Variants in NKIRAS1 observed in about 807,000 individuals in gnomAD.
NKIRAS1 encodes the protein NFKB inhibitor interacting Ras like 1, also known as NF-kappa-B inhibitor-interacting Ras-like protein 1.
NKIRAS1 carries 16 observed loss-of-function variants against 19.8 expected under a neutral mutation model. The ratio of observed to expected loss-of-function variants is 0.81; its 90% CI spans 0.55 to 1.23. The LOEUF is 1.23. NKIRAS1 is among the 50% of genes most tolerant of loss of function. The probability of loss-of-function intolerance (pLI) is 0.00; values close to 1 mark genes in which losing one functional copy is unlikely to be tolerated. For synonymous variants in NKIRAS1, 88 were observed against 79.0 expected (o/e 1.11, Z -0.61); for missense variants, 184 against 220.0 (o/e 0.84, Z 1.04).
chr3:23,930,868 G>A (rs371671580), intron 1 of NKIRAS1, among the ~76,000 whole-genome samples: 1 of 123,896 alleles, frequency 8.1e-6, no homozygotes, highest in Non-Finnish European at 1.7e-5. Context: ...ATGTCCGGCT[G>A]TTTTTTTTTT....
At chr3:23,915,289 G>C (rs1704227823) in intron 1 of NKIRAS1, among the ~76,000 whole-genome samples, 1 of 152,106 alleles carries the variant, frequency 6.6e-6, no homozygotes, top group African/African-American at 2.4e-5. Flanking sequence ...AATTCAGGCA[G>C]GCTTCATAAG....
At chr3:23,929,171 G>A (rs954780222) in intron 1 of NKIRAS1, among the ~76,000 whole-genome samples, 6 of 151,908 alleles carry the variant, frequency 3.9e-5, no homozygotes, top group African/African-American at 9.7e-5. Context: ...AGACCAGCCC[G>A]GTCAACGTGG....
intron 3 of NKIRAS1, among the ~76,000 whole-genome samples, chr3:23,902,108 T>A (rs34476593): frequency 0.2 from 30,562 of 151,936 alleles, 3,053 homozygotes; most frequent in Non-Finnish European, 0.21. Flanking sequence ...AATAAATGAA[T>A]GTGAGATACA....
At chr3:23,910,988 G>A in intron 2 of NKIRAS1, 67 bp from the exon 3 acceptor site, 3 of 1,230,240 alleles carry the variant, frequency 2.4e-6, no homozygotes, top group Non-Finnish European at 3.5e-6. Context: ...TTTTCTTTCA[G>A]TATTTCAATT....
intron 3 of NKIRAS1, among the ~76,000 whole-genome samples, chr3:23,908,505 TATG>T (rs777078155): frequency 4.7e-4 from 72 of 152,330 alleles, no homozygotes; most frequent in Non-Finnish European, 7.9e-4. Flanking sequence ...TGTTAATAGA[TATG>T]ATAATTGCCT....
intron 1 of NKIRAS1, among the ~76,000 whole-genome samples, chr3:23,930,302 G>A (rs146778529): frequency 6.6e-6 from 1 of 152,288 alleles, no homozygotes; most frequent in Non-Finnish European, 1.5e-5. Context: ...AAGCAGTGCA[G>A]GGGGAGGGTC....
upstream of NKIRAS1, chr3:23,917,672 G>C: frequency 1.6e-6 from 1 of 607,562 alleles, no homozygotes; most frequent in Non-Finnish European, 2.9e-6. Flanking sequence ...GGAAGTGACT[G>C]AACGCGGCTC....
Position 23,891,129 on chromosome 3 carries a change from A to AATC in NKIRAS1, c.*1963_*1965dup, listed in dbSNP as rs1319473964. The AATC allele has an allele frequency of 6.6e-6, 1 of 152,642 alleles. No individual in the cohort carries two copies. The highest frequency in any genetic ancestry group is 2.4e-5 in the African/African-American group (1 of 41,444). 9.5% of individuals were successfully genotyped at this position (152,642 alleles called of 1,614,324 possible). On this transcript the variant is annotated 3_prime_UTR_variant, in exon 5 of 5. Coordinates refer to ENST00000425478, the MANE Select transcript of NKIRAS1 (RefSeq NM_020345.4). ...AGTAGTGCGTTTTATTTTATATGCC[A>AATC]ATCTACTTTGTTTAAAAAAGGTCTG... is the stretch of plus-strand genomic sequence containing the variant.
At chr3:23,928,689 TA>T (rs10715656) in intron 1 of NKIRAS1, among the ~76,000 whole-genome samples, 80,828 of 116,736 alleles carry the variant, frequency 0.69, 27,340 homozygotes, top group Admixed American at 0.74. Flanking sequence ...GATTTAGGCT[TA>T]AAAAAAAAAA....
chr3:23,940,900 C>T (rs769741652), intron 1 of NKIRAS1, among the ~76,000 whole-genome samples: 1 of 152,166 alleles, frequency 6.6e-6, no homozygotes, highest in Non-Finnish European at 1.5e-5. Flanking sequence ...ACTGCCAGAG[C>T]TATTTGTTGC....
intron 4 of NKIRAS1, among the ~76,000 whole-genome samples, chr3:23,900,508 T>C (rs1366237691): frequency 6.6e-6 from 1 of 150,796 alleles, no homozygotes; most frequent in African/African-American, 2.4e-5. Flanking sequence ...AGTGGCACAC[T>C]CCTGTATTCC....
intron 1 of NKIRAS1, among the ~76,000 whole-genome samples, chr3:23,935,396 T>G: frequency 6.7e-6 from 1 of 149,548 alleles, no homozygotes. Context: ...AAAAAATTGA[T>G]CAACGAATCA....
intron 3 of NKIRAS1, among the ~76,000 whole-genome samples, chr3:23,904,211 G>C (rs1220388611): frequency 2.0e-5 from 3 of 152,176 alleles, no homozygotes; most frequent in Admixed American, 1.3e-4. Context: ...CAGAACACTG[G>C]TGTCTTAGTC....
chr3:23,907,172 G>A (rs1703150581), intron 3 of NKIRAS1, among the ~76,000 whole-genome samples: 2 of 152,190 alleles, frequency 1.3e-5, no homozygotes, highest in African/African-American at 4.8e-5. Context: ...GGGATTACAG[G>A]CGTGAGCCAC....
chr3:23,937,717 TTAGTA>T (rs1705421086), intron 1 of NKIRAS1, among the ~76,000 whole-genome samples: 1 of 152,324 alleles, frequency 6.6e-6, no homozygotes, highest in East Asian at 1.9e-4. Context: ...AAATATCTGT[TTAGTA>T]TGTTATTAAA....
chr3:23,907,556 T>C (rs1299036188), intron 3 of NKIRAS1, among the ~76,000 whole-genome samples: 1 of 152,244 alleles, frequency 6.6e-6, no homozygotes, highest in African/African-American at 2.4e-5. Context: ...ATTTGCATTT[T>C]CCACTGTGTT....
At chr3:23,906,646 ATTT>A (rs11293534) in intron 3 of NKIRAS1, among the ~76,000 whole-genome samples, 4 of 141,170 alleles carry the variant, frequency 2.8e-5, no homozygotes, top group Admixed American at 1.4e-4. Context: ...CTTCCTTATG[ATTT>A]TTTTTTTTTT....
intron 3 of NKIRAS1, among the ~76,000 whole-genome samples, chr3:23,907,243 G>T (rs910023339): frequency 2.0e-5 from 3 of 152,050 alleles, no homozygotes; most frequent in Admixed American, 2.0e-4. Flanking sequence ...TTACTTTATT[G>T]TAAGAGTACA....
intron 3 of NKIRAS1, among the ~76,000 whole-genome samples, chr3:23,906,441 G>GA (rs1372062561): frequency 6.6e-6 from 1 of 152,044 alleles, no homozygotes; most frequent in Non-Finnish European, 1.5e-5. Flanking sequence ...GCTCTGCTGA[G>GA]AATACCACTG....
Sources: gnomAD v4.1 joint callset for allele counts (sites outside exome capture counted in the v4.1 genomes callset) on GRCh38, gnomAD v4.1.1 for gene constraint, MANE v1.5 for transcripts, NCBI Gene and HGNC (gene_info 2026-07-23, HGNC 2026-07-21) for gene names.